Variants in CDH20 observed in about 807,000 individuals in gnomAD.
CDH20 encodes cadherin 20.
In CDH20, 29 loss-of-function variants were observed where a neutral mutation model predicts 74.2. That is an observed-to-expected ratio of 0.39 (90% confidence interval 0.29 to 0.53). The LOEUF (loss-of-function observed/expected upper bound fraction) is 0.53. Among genes scored for constraint, CDH20 ranks in the 20% least tolerant of loss-of-function variants. CDH20 has a pLI of 0.69. For missense variants in CDH20, 988 were observed against 1,048.3 expected (o/e 0.94, Z 0.79); for synonymous variants, 469 against 405.4 (o/e 1.16, Z -1.88).
At chr18:61,428,516 G>GTC (rs753128277) in intron 1 of CDH20, among the ~76,000 whole-genome samples, 4 of 152,128 alleles carry the variant, frequency 2.6e-5, no homozygotes, top group Non-Finnish European at 4.4e-5. Flanking sequence ...GATAATGAGG[G>GTC]TCTTGCTGTT....
intron 1 of CDH20, among the ~76,000 whole-genome samples, chr18:61,433,681 G>A (rs966525131): frequency 6.6e-6 from 1 of 152,094 alleles, no homozygotes; most frequent in South Asian, 2.1e-4. Flanking sequence ...GCTGAATATA[G>A]TATTGATCAC....
chr18:61,405,608 T>A (rs1274608747), intron 1 of CDH20, among the ~76,000 whole-genome samples: 1 of 151,984 alleles, frequency 6.6e-6, no homozygotes, highest in African/African-American at 2.4e-5. Flanking sequence ...ATAAAATAAA[T>A]TTTAAAAAAC....
intron 1 of CDH20, among the ~76,000 whole-genome samples, chr18:61,480,005 C>G (rs908144933): frequency 1.6e-4 from 25 of 151,978 alleles, no homozygotes; most frequent in African/African-American, 6.0e-4. Flanking sequence ...AAAAAGCTGT[C>G]ACTGAAATGA....
intron 1 of CDH20, among the ~76,000 whole-genome samples, chr18:61,485,696 T>C (rs1047866395): frequency 1.3e-5 from 2 of 152,114 alleles, no homozygotes; most frequent in Non-Finnish European, 2.9e-5. Flanking sequence ...TATCATAAGG[T>C]GCATCAACAT....
chr18:61,535,619 G>T (rs1026888905), intron 7 of CDH20, among the ~76,000 whole-genome samples: 2 of 152,170 alleles, frequency 1.3e-5, no homozygotes, highest in African/African-American at 4.8e-5. Flanking sequence ...ACAGACAACA[G>T]CAAAACATGA....
chr18:61,387,536 T>C (rs1461999967), intron 1 of CDH20, among the ~76,000 whole-genome samples: 1 of 152,232 alleles, frequency 6.6e-6, no homozygotes, highest in Non-Finnish European at 1.5e-5. Context: ...ACAGTTGGAA[T>C]TCATTAAAGT....
chr18:61,409,683 C>T (rs908196540), intron 1 of CDH20, among the ~76,000 whole-genome samples: 2 of 152,122 alleles, frequency 1.3e-5, no homozygotes, highest in Non-Finnish European at 2.9e-5. Context: ...ATTAAAATTG[C>T]GCGTGAGGAT....
chr18:61,475,270 C>A (rs760999425), intron 1 of CDH20, among the ~76,000 whole-genome samples: 32 of 152,072 alleles, frequency 2.1e-4, no homozygotes, highest in Admixed American at 2.0e-4. Context: ...GTCTAAGTAG[C>A]CAGATATAGG....
chr18:61,401,625 T>C (rs1912156941), intron 1 of CDH20, among the ~76,000 whole-genome samples: 2 of 152,218 alleles, frequency 1.3e-5, no homozygotes, highest in Non-Finnish European at 2.9e-5. Flanking sequence ...GTAATGTTGA[T>C]TTTCCATGTT....
At chr18:61,484,918 C>T (rs1420199465) in intron 1 of CDH20, among the ~76,000 whole-genome samples, 1 of 152,052 alleles carries the variant, frequency 6.6e-6, no homozygotes, top group Non-Finnish European at 1.5e-5. Flanking sequence ...ACAGCACTCT[C>T]GCATAAACTG....
At chr18:61,538,608 G>GTTTTTTTTTTTTTTTTTTTT (rs1449356386) in intron 8 of CDH20, among the ~76,000 whole-genome samples, 2 of 36,316 alleles carry the variant, frequency 5.5e-5, no homozygotes, top group Non-Finnish European at 1.2e-4. Context: ...TTTTGTTTTT[G>GTTTTTTTTTTTTTTTTTTTT]TTTTTGTTTT....
At chr18:61,518,716 C>T (rs1015798355) in intron 6 of CDH20, among the ~76,000 whole-genome samples, 1 of 151,216 alleles carries the variant, frequency 6.6e-6, no homozygotes, top group African/African-American at 2.5e-5. Context: ...CTCTTCTTCT[C>T]CAAAGGATCA....
In CDH20 at chr18:61,550,087, C is replaced by T; in HGVS notation, c.1758C>T (p.Ser586=). The T allele has an allele frequency of 6.2e-7, 1 of 1,614,246 alleles. No homozygotes were observed. Among genetic ancestry groups the T allele is most frequent in the Non-Finnish European group, 8.5e-7 (1 of 1,180,050 alleles). ...ATAGCGGGCAGCCCGTGCTGAGCAG[C>T]ACAGGCACACTGACCATCCAAGTGT... The part of the protein sequence containing the change: ...IADSGQPVLS[S]TGTLTIQVCS... The change falls in exon 11 of 12, where the codon AGC becomes AGT. Residue 586 remains serine, a synonymous_variant. Coordinates refer to ENST00000262717, the MANE Select transcript of CDH20 (RefSeq NM_031891.4).
Position 61,550,148 on chromosome 18 carries a change from A to T in CDH20, c.1819A>T (p.Ser607Cys). The T allele has an allele frequency of 6.2e-7, 1 of 1,614,222 alleles. No homozygotes were observed. The highest frequency in any genetic ancestry group is 1.1e-5 in the South Asian group (1 of 91,088). ...CDDDGHVMSC[S>C]PEAYMLPVSL... The stretch of plus-strand genomic sequence containing the variant: ...TGACGACGGCCACGTCATGTCCTGC[A>T]GCCCAGAGGCCTACATGCTCCCAGT... Residue 607 changes from serine to cysteine, a missense_variant, in exon 11 of 12, where the codon AGC (serine) becomes TGC (cysteine). Physicochemically the swap from Ser to Cys is moderately radical, Grantham distance 112 (BLOSUM62 -1). Transcript: ENST00000262717.
At chr18:61,504,924 GTAAC>G (rs1373444096) in intron 5 of CDH20, among the ~76,000 whole-genome samples, 2 of 152,000 alleles carry the variant, frequency 1.3e-5, no homozygotes, top group African/African-American at 4.8e-5. Context: ...AAGGGTGCAA[GTAAC>G]TAAGTTCCTA....
chr18:61,416,982 T>C (rs1599070370), intron 1 of CDH20, among the ~76,000 whole-genome samples: 1 of 152,308 alleles, frequency 6.6e-6, no homozygotes, highest in Non-Finnish European at 1.5e-5. Flanking sequence ...AGGGAAAATA[T>C]AAAGCACCAG....
At position 61,555,767 on chromosome 18, in the gene CDH20, A is replaced by T. The variant is rs1019882077; in HGVS notation, c.*1072A>T. On this transcript the variant is annotated 3_prime_UTR_variant, in exon 12 of 12. Transcript: ENST00000262717. Reference sequence around the variant, plus strand: ...TTAGCACTTCTTTTAATAAAAGTTAAATAGAAGGAAAAGTCTATTGTGAAT... The same window carrying T: ...TTAGCACTTCTTTTAATAAAAGTTATATAGAAGGAAAAGTCTATTGTGAAT... 8.4e-6 allele frequency: 8 copies of T among 954,200 alleles called. No individual in the cohort carries two copies. Among genetic ancestry groups the T allele is most frequent in the Non-Finnish European group, 1.0e-5 (8 of 801,538 alleles). The allele number at this position is 954,200 out of a possible 1,614,324, so 59.1% of individuals were successfully genotyped here.
chr18:61,460,433 A>T (rs1243909534), intron 1 of CDH20, among the ~76,000 whole-genome samples: 1 of 152,180 alleles, frequency 6.6e-6, no homozygotes, highest in Non-Finnish European at 1.5e-5. Context: ...GCTGAGTAAG[A>T]TCCAAAACAC....
chr18:61,541,547 T>C (rs1913039275), intron 9 of CDH20, among the ~76,000 whole-genome samples: 1 of 152,212 alleles, frequency 6.6e-6, no homozygotes, highest in South Asian at 2.1e-4. Flanking sequence ...TAGTTTGTTA[T>C]ACAGTGATCT....
Sources: allele counts gnomAD v4.1 joint callset (sites outside exome capture counted in the v4.1 genomes callset), GRCh38; gene constraint gnomAD v4.1.1; transcripts MANE v1.5; gene names NCBI Gene and HGNC (gene_info 2026-07-23, HGNC 2026-07-21).